The following TRPM3 variants were observed in gnomAD, a reference collection of about 807,000 sequenced individuals.
The protein encoded by TRPM3 is long transient receptor potential channel 3.
A neutral mutation model predicts 181.2 loss-of-function variants in TRPM3; 77 were observed. The ratio of observed to expected loss-of-function variants is 0.42; its 90% CI spans 0.35 to 0.51. The LOEUF (loss-of-function observed/expected upper bound fraction) is 0.51. TRPM3 is among the 20% of genes least tolerant of loss of function. The probability of loss-of-function intolerance (pLI) is 0.01; values close to 1 mark genes in which losing one functional copy is unlikely to be tolerated. For missense variants in TRPM3, 1,759 were observed against 2,196.7 expected (o/e 0.80, Z 3.98); for synonymous variants, 745 against 796.4 (o/e 0.94, Z 1.09).
chr9:70,809,229 A>T (rs1377722602), intron 6 of TRPM3, among the ~76,000 whole-genome samples: 2 of 152,240 alleles, frequency 1.3e-5, no homozygotes. Flanking sequence ...AACGTTAAAA[A>T]GTTTACAAAG....
chr9:71,075,713 C>T (rs938802745), intron 1 of TRPM3, among the ~76,000 whole-genome samples: 52 of 152,034 alleles, frequency 3.4e-4, no homozygotes, highest in African/African-American at 6.8e-4. Flanking sequence ...ATAATATTTG[C>T]GCAAAAGTAA....
At chr9:70,689,048 C>T (rs1466696843) in intron 8 of TRPM3, among the ~76,000 whole-genome samples, 1 of 152,134 alleles carries the variant, frequency 6.6e-6, no homozygotes, top group Non-Finnish European at 1.5e-5. Flanking sequence ...ACATTCAACA[C>T]AAGAATGGTA....
rs184580310 is a variant in TRPM3 at position 71,359,942 on chromosome 9, G to A, written c.183+86711C>T. Among the ~76,000 whole-genome samples, 104 of 152,184 alleles carry A rather than the reference G, an allele frequency of 6.8e-4. 2 individuals are homozygous for A. Among genetic ancestry groups the A allele is most frequent in the African/African-American group, 2.4e-3 (98 of 41,528 alleles). ...TAAGATGCCTAAGAACAGAGATTTG[G>A]GGTTTTGCTTATTGTTACATTCTAG... On this transcript the variant is annotated intron_variant, in intron 1 of 24. Coordinates refer to the TRPM3 transcript ENST00000357533.
chr9:71,407,645 G>T (rs1256717490), intron 1 of TRPM3, among the ~76,000 whole-genome samples: 1 of 152,176 alleles, frequency 6.6e-6, no homozygotes, highest in Admixed American at 6.5e-5. Context: ...CACCTCTGGG[G>T]GCAGGGCATA....
chr9:70,752,079 C>T (rs1469452625), intron 8 of TRPM3, among the ~76,000 whole-genome samples: 2 of 150,360 alleles, frequency 1.3e-5, no homozygotes, highest in East Asian at 4.0e-4. Context: ...CATGTACATG[C>T]AACCTGAAAG....
At chr9:71,111,149 G>T (rs1374254044) in intron 1 of TRPM3, among the ~76,000 whole-genome samples, 1 of 152,176 alleles carries the variant, frequency 6.6e-6, no homozygotes, top group East Asian at 1.9e-4. Flanking sequence ...TACAAGAGAT[G>T]ATTGACAATA....
intron 1 of TRPM3, among the ~76,000 whole-genome samples, chr9:71,191,653 G>A (rs899173467): frequency 2.0e-5 from 3 of 151,674 alleles, no homozygotes; most frequent in Non-Finnish European, 4.4e-5. Context: ...AAGCCTACAA[G>A]ATAAAAACCA....
intron 1 of TRPM3, among the ~76,000 whole-genome samples, chr9:71,243,538 G>A (rs1315822252): frequency 6.6e-6 from 1 of 152,222 alleles, no homozygotes; most frequent in African/African-American, 2.4e-5. Flanking sequence ...CTGTCTCTCT[G>A]AGATGTAACC....
chr9:70,885,007 T>C (rs573800006), intron 1 of TRPM3, among the ~76,000 whole-genome samples: 28 of 152,304 alleles, frequency 1.8e-4, no homozygotes, highest in South Asian at 8.3e-4. Context: ...CATCAGAGTT[T>C]CTCAGAGTTG....
At chr9:70,757,312 A>C (rs1301598514) in intron 8 of TRPM3, among the ~76,000 whole-genome samples, 2 of 152,076 alleles carry the variant, frequency 1.3e-5, no homozygotes, top group African/African-American at 4.8e-5. Flanking sequence ...AATAGACCAA[A>C]AACAAGTTCT....
intron 6 of TRPM3, among the ~76,000 whole-genome samples, chr9:70,789,209 G>A (rs2084725769): frequency 1.3e-5 from 2 of 152,164 alleles, no homozygotes; most frequent in Admixed American, 1.3e-4. Flanking sequence ...TTTTTAGAAT[G>A]TCAAGAATGC....
At chr9:71,076,170 T>C (rs1440038025) in intron 1 of TRPM3, among the ~76,000 whole-genome samples, 2 of 152,140 alleles carry the variant, frequency 1.3e-5, no homozygotes, top group Non-Finnish European at 2.9e-5. Context: ...GAGCTAATTG[T>C]TCAGTTTTCG....
At chr9:71,125,209 ATTTTAC>A (rs547433417), upstream of TRPM3, among the ~76,000 whole-genome samples, 365 of 152,014 alleles carry the variant, frequency 2.4e-3, 3 homozygotes, top group African/African-American at 8.3e-3. Context: ...TAAATATTTT[ATTTTAC>A]TTTAAGTTCC....
intron 1 of TRPM3, among the ~76,000 whole-genome samples, chr9:71,228,548 G>C (rs1384480819): frequency 6.6e-6 from 1 of 152,152 alleles, no homozygotes; most frequent in Non-Finnish European, 1.5e-5. Context: ...CTTGTTTGCA[G>C]ATGATAAAAT....
intron 1 of TRPM3, among the ~76,000 whole-genome samples, chr9:71,246,448 C>T (rs2082038534): frequency 6.6e-6 from 1 of 151,712 alleles, no homozygotes; most frequent in African/African-American, 2.4e-5. Flanking sequence ...GTCCCCTTCA[C>T]ACATTTTAGC....
intron 1 of TRPM3, among the ~76,000 whole-genome samples, chr9:71,004,521 T>C (rs1047464015): frequency 6.6e-6 from 1 of 152,166 alleles, no homozygotes; most frequent in Non-Finnish European, 1.5e-5. Context: ...AACAGGCAAA[T>C]GGGGGAGGTC....
chr9:70,642,378 C>A (rs1589691063), intron 9 of TRPM3, among the ~76,000 whole-genome samples: 1 of 152,194 alleles, frequency 6.6e-6, no homozygotes, highest in East Asian at 1.9e-4. Context: ...ATTGCTGCTT[C>A]TGATGTTTAG....
chr9:71,229,608 C>T (rs1399981877), intron 1 of TRPM3, among the ~76,000 whole-genome samples: 1 of 151,960 alleles, frequency 6.6e-6, no homozygotes, highest in East Asian at 1.9e-4. Context: ...TCAAGCAACC[C>T]TGTTAAAAAT....
chr9:71,165,188 C>A (rs1048491909), intron 1 of TRPM3, among the ~76,000 whole-genome samples: 1 of 152,088 alleles, frequency 6.6e-6, no homozygotes, highest in Non-Finnish European at 1.5e-5. Context: ...TACTTAACTG[C>A]CTATACCTAT....
Sources: gnomAD v4.1 joint callset for allele counts (sites outside exome capture counted in the v4.1 genomes callset) on GRCh38, gnomAD v4.1.1 for gene constraint, MANE v1.5 for transcripts, NCBI Gene and HGNC (gene_info 2026-07-23, HGNC 2026-07-21) for gene names.